COL21A1: variants seen among roughly 807,000 people sequenced by gnomAD.
COL21A1 encodes the protein collagen alpha-1(XXI) chain.
Under a neutral mutation model 137.9 loss-of-function variants are expected in COL21A1, and 149 were observed. The observed-to-expected ratio is 1.08, with a 90% CI of 0.95 to 1.24. COL21A1 has a LOEUF of 1.24. COL21A1 is among the 50% of genes most tolerant of loss of function. COL21A1 has a pLI of 0.00. For synonymous variants in COL21A1, 456 were observed against 391.5 expected, an observed-to-expected ratio of 1.16 and a Z score of -1.95; for missense variants, 1,167 against 1,158.4, an observed-to-expected ratio of 1.01 and a Z score of -0.11.
chr6:56,138,291 AATT>A (rs1275736683), intron 12 of COL21A1, among the ~76,000 whole-genome samples: 1 of 149,834 alleles, frequency 6.7e-6, no homozygotes, highest in African/African-American at 2.4e-5. Context: ...TCATATCAAT[AATT>A]ATTACTATAA....
intron 17 of COL21A1, among the ~76,000 whole-genome samples, chr6:56,098,890 T>A (rs1328947650): frequency 2.7e-5 from 4 of 149,274 alleles, no homozygotes; most frequent in Non-Finnish European, 4.4e-5. Flanking sequence ...TAATTTTTTG[T>A]ATTTTTAGTA....
intron 1 of COL21A1, among the ~76,000 whole-genome samples, chr6:56,240,073 T>C (rs1782188615): frequency 6.6e-6 from 1 of 152,124 alleles, no homozygotes; most frequent in Non-Finnish European, 1.5e-5. Flanking sequence ...TCATTTTCTC[T>C]GTCTGCCACC....
At chr6:56,141,053 T>C (rs1474294166) in intron 12 of COL21A1, among the ~76,000 whole-genome samples, 2 of 152,202 alleles carry the variant, frequency 1.3e-5, no homozygotes, top group African/African-American at 4.8e-5. Flanking sequence ...TATTTTAAGA[T>C]GTACAAATGA....
chr6:56,075,460 G>A lies in COL21A1; in HGVS notation c.1911+19C>T, dbSNP rs757188764. 6.5e-7 allele frequency: 1 copy of A among 1,532,228 alleles called. No homozygotes were observed. Among genetic ancestry groups the A allele is most frequent in the Non-Finnish European group, 8.8e-7 (1 of 1,138,284 alleles). The allele number at this position is 1,532,228 out of a possible 1,614,324, so 94.9% of individuals were successfully genotyped here. Reference sequence around the variant, plus strand: ...CACTGCAAACACTTTGATGTATGATGATAATGACATCAACATACAGGCATC... The same window carrying A: ...CACTGCAAACACTTTGATGTATGATAATAATGACATCAACATACAGGCATC... On this transcript the variant is annotated intron_variant, in intron 19 of 29. Transcript: ENST00000244728.
At chr6:56,303,110 C>T (rs369428521) in intron 1 of COL21A1, among the ~76,000 whole-genome samples, 4 of 152,164 alleles carry the variant, frequency 2.6e-5, no homozygotes, top group African/African-American at 9.7e-5. Flanking sequence ...GGTACCAGTA[C>T]CATGCTGTTT....
intron 1 of COL21A1, among the ~76,000 whole-genome samples, chr6:56,289,343 C>T (rs1157931737): frequency 3.3e-5 from 5 of 152,192 alleles, no homozygotes; most frequent in African/African-American, 1.2e-4. Flanking sequence ...AAGTACATAA[C>T]ATCTAAGGGT....
chr6:56,358,585 C>T (rs1406455880), intron 1 of COL21A1, among the ~76,000 whole-genome samples: 1 of 152,170 alleles, frequency 6.6e-6, no homozygotes, highest in Admixed American at 6.6e-5. Context: ...CTCCAACCCA[C>T]TGGTATACAC....
chr6:56,162,016 C>T (rs1776239980), intron 9 of COL21A1, among the ~76,000 whole-genome samples: 1 of 152,160 alleles, frequency 6.6e-6, no homozygotes, highest in Non-Finnish European at 1.5e-5. Flanking sequence ...CAAACCTTTC[C>T]AGAAAGCATA....
intron 1 of COL21A1, among the ~76,000 whole-genome samples, chr6:56,293,946 A>AGC (rs750305471): frequency 6.6e-6 from 1 of 152,196 alleles, no homozygotes; most frequent in Non-Finnish European, 1.5e-5. Context: ...GAGATGCGCT[A>AGC]GCGCCTTTTG....
intron 1 of COL21A1, among the ~76,000 whole-genome samples, chr6:56,366,393 C>T (rs959429668): frequency 6.6e-6 from 1 of 152,094 alleles, no homozygotes; most frequent in African/African-American, 2.4e-5. Context: ...GAAAATCTGA[C>T]GAGTGTCTGG....
chr6:56,171,539 TTTTAA>T (rs1241772790), intron 3 of COL21A1, among the ~76,000 whole-genome samples: 1 of 151,994 alleles, frequency 6.6e-6, no homozygotes, highest in Non-Finnish European at 1.5e-5. Flanking sequence ...TGGATAATGC[TTTTAA>T]TTTATTTAAT....
intron 1 of COL21A1, among the ~76,000 whole-genome samples, chr6:56,253,688 C>T (rs918005507): frequency 3.3e-5 from 5 of 152,144 alleles, no homozygotes; most frequent in African/African-American, 9.7e-5. Flanking sequence ...AAATTGAACA[C>T]GCAAAAGCAA....
At chr6:56,288,184 C>T (rs1763957843) in intron 1 of COL21A1, among the ~76,000 whole-genome samples, 2 of 151,612 alleles carry the variant, frequency 1.3e-5, no homozygotes, top group Non-Finnish European at 2.9e-5. Flanking sequence ...TGAAATAACA[C>T]TTATCTTTCT....
In COL21A1 at chr6:56,382,109, C is replaced by T. The variant is rs1452607043; in HGVS notation, c.-39+11862G>A. 4.6e-5 allele frequency among the ~76,000 whole-genome samples: 7 copies of T among 152,150 alleles called. No homozygotes were observed. In the South Asian group the frequency reaches 6.2e-4, roughly 14 times the overall value. On this transcript the variant is annotated intron_variant, in intron 1 of 28. Coordinates refer to the COL21A1 transcript ENST00000370819. ...CACCACTAGGGCAGTAAATAGGTCACGCCTGTCAGGACTGGTGAGATTTAT... is the reference window on the plus strand; with the variant it reads ...CACCACTAGGGCAGTAAATAGGTCATGCCTGTCAGGACTGGTGAGATTTAT...
chr6:56,352,399 G>A (rs573308818), intron 1 of COL21A1, among the ~76,000 whole-genome samples: 2 of 152,176 alleles, frequency 1.3e-5, no homozygotes, highest in African/African-American at 4.8e-5. Flanking sequence ...AAAGACTCAT[G>A]GTTCCCAGGT....
Position 56,126,086 on chromosome 6 carries a change from T to C in COL21A1, c.1596+10A>G. On this transcript the variant is annotated intron_variant, in intron 13 of 29. Transcript: ENST00000244728. ...CTTTGCTATATTTAAAAGAAACAGA[T>C]TTCTTCAACCTTTGATCCTGGCATG... 1 of 1,528,914 alleles carries C rather than the reference T, an allele frequency of 6.5e-7. No individual in the cohort carries two copies. Among genetic ancestry groups the C allele is most frequent in the Non-Finnish European group, 8.8e-7 (1 of 1,132,748 alleles). 94.7% of individuals were successfully genotyped at this position (1,528,914 alleles called of 1,614,324 possible).
intron 23 of COL21A1, among the ~76,000 whole-genome samples, chr6:56,065,237 T>A (rs985558811): frequency 6.6e-6 from 1 of 152,024 alleles, no homozygotes; most frequent in Non-Finnish European, 1.5e-5. Context: ...TTGCGCAAAA[T>A]AATTAGCAGT....
At chr6:56,382,034 G>A (rs1281847865) in intron 1 of COL21A1, among the ~76,000 whole-genome samples, 1 of 152,150 alleles carries the variant, frequency 6.6e-6, no homozygotes, top group Non-Finnish European at 1.5e-5. Flanking sequence ...ATACTAAACT[G>A]TAAAAAGGAA....
At chr6:56,119,709 T>C (rs1772281211) in intron 16 of COL21A1, among the ~76,000 whole-genome samples, 1 of 151,930 alleles carries the variant, frequency 6.6e-6, no homozygotes, top group Admixed American at 6.6e-5. Context: ...TACAAACAGA[T>C]ACAAAGACCA....
Sources: allele counts gnomAD v4.1 joint callset (sites outside exome capture counted in the v4.1 genomes callset), GRCh38; gene constraint gnomAD v4.1.1; transcripts MANE v1.5; gene names NCBI Gene and HGNC (gene_info 2026-07-23, HGNC 2026-07-21).